RPH3AL: variants seen among roughly 807,000 people sequenced by gnomAD.
The protein encoded by RPH3AL is rab effector Noc2.
A neutral mutation model predicts 43.1 loss-of-function variants in RPH3AL; 38 were observed. That is an observed-to-expected ratio of 0.88 (90% CI 0.68 to 1.15). The LOEUF is 1.15. Ranked by LOEUF, RPH3AL falls within the 50% of genes most tolerant of loss-of-function variation. The pLI, the probability that RPH3AL is intolerant of heterozygous loss-of-function variation, is 0.00. For missense variants in RPH3AL, 462 were observed against 423.2 expected (o/e 1.09, Z -0.81); for synonymous variants, 189 against 176.3 (o/e 1.07, Z -0.57).
chr17:262,312 G>A (rs1440573587), intron 6 of RPH3AL, among the ~76,000 whole-genome samples: 4 of 152,154 alleles, frequency 2.6e-5, no homozygotes, highest in South Asian at 2.1e-4. Flanking sequence ...TCCGCCTCCC[G>A]GGTTCAAGCA....
Position 327,535 on chromosome 17 carries a change from G to A in RPH3AL, c.9C>T (p.Asp3=). The change falls in exon 3 of 10, where the codon GAC becomes GAT. Residue 3 remains aspartate, a synonymous_variant. Coordinates refer to ENST00000331302, the MANE Select transcript of RPH3AL (RefSeq NM_006987.4). The part of the protein sequence containing the change: MA[D]TIFGSGNDQW... ...GATCATTCCCGCTGCCGAAGATGGT[G>A]TCGGCCATGGCTCGGAGCACCCGGC... is the stretch of plus-strand genomic sequence containing the variant. The A allele has an allele frequency of 6.2e-7, 1 of 1,613,806 alleles. No homozygotes were observed. Among genetic ancestry groups the A allele is most frequent in the Non-Finnish European group, 8.5e-7 (1 of 1,179,950 alleles).
intron 7 of RPH3AL, among the ~76,000 whole-genome samples, chr17:230,930 C>G (rs12945036): frequency 0.52 from 78,886 of 152,062 alleles, 21,035 homozygotes; most frequent in Middle Eastern, 0.59. Context: ...CAGGGATCCA[C>G]CCGCCTTGGC....
In RPH3AL at chr17:302,801, A is replaced by G. The variant is rs927051089; in HGVS notation, c.351+16619T>C. 5.3e-5 allele frequency among the ~76,000 whole-genome samples: 8 copies of G among 152,338 alleles called. No individual in the cohort carries two copies. In the East Asian group the frequency reaches 1.4e-3, roughly 26 times the overall value. On this transcript the variant is annotated intron_variant, in intron 5 of 9. Coordinates refer to ENST00000331302, the MANE Select transcript of RPH3AL (RefSeq NM_006987.4). ...GTATAGTCATGGGACGATGTTTTTGATATCTTATTAAGTGGAAAAAGAAGA... is the reference window on the plus strand; with the variant it reads ...GTATAGTCATGGGACGATGTTTTTGGTATCTTATTAAGTGGAAAAAGAAGA...
chr17:316,568 G>GC (rs201655719), intron 5 of RPH3AL, among the ~76,000 whole-genome samples: 8 of 54,794 alleles, frequency 1.5e-4, no homozygotes, highest in Admixed American at 4.7e-4. Context: ...TAGTCCCTGT[G>GC]CCCCACCTCC....
At chr17:321,452 C>T (rs1333657868) in intron 3 of RPH3AL, 37 bp from the exon 4 acceptor site, 4 of 1,527,980 alleles carry the variant, frequency 2.6e-6, no homozygotes, top group Non-Finnish European at 2.6e-6. Flanking sequence ...TGGAGGCCTC[C>T]CCGGTGCAAA....
intron 3 of RPH3AL, among the ~76,000 whole-genome samples, chr17:327,029 G>A (rs144246472): frequency 2.2e-4 from 33 of 152,336 alleles, no homozygotes; most frequent in African/African-American, 7.5e-4. Flanking sequence ...GTCTGACAGT[G>A]CCAAGCACTG....
intron 6 of RPH3AL, among the ~76,000 whole-genome samples, chr17:260,760 G>T (rs782268226): frequency 6.6e-6 from 1 of 152,118 alleles, no homozygotes; most frequent in Non-Finnish European, 1.5e-5. Flanking sequence ...AAACAAGTCC[G>T]CAGCAGGCCA....
At chr17:331,550 C>G (rs762699641) in intron 2 of RPH3AL, 1 of 1,261,006 alleles carries the variant, frequency 7.9e-7, no homozygotes, top group Admixed American at 2.4e-5. Flanking sequence ...GGAGCAACCT[C>G]GGGACAGATG....
rs555147828 is a variant in RPH3AL at position 253,549 on chromosome 17, C to G, written c.439-6264G>C. On this transcript the variant is annotated intron_variant, in intron 6 of 9. Transcript: ENST00000331302. ...CATTGTATTAAAGTATTCATAACAT[C>G]AAACGTATCACCTGAAGTGCAACCC... Among the ~76,000 whole-genome samples the G allele has an allele frequency of 6.9e-4, 105 of 152,244 alleles. 1 individual carries two copies. Among genetic ancestry groups the G allele is most frequent in the African/African-American group, 2.5e-3 (103 of 41,512 alleles).
intron 5 of RPH3AL, among the ~76,000 whole-genome samples, chr17:316,371 C>A (rs1262872118): frequency 6.7e-6 from 1 of 150,054 alleles, no homozygotes; most frequent in African/African-American, 2.5e-5. Flanking sequence ...CCTCCATTGA[C>A]CTGTAGTCTC....
At chr17:302,192 C>T (rs906192411) in intron 5 of RPH3AL, among the ~76,000 whole-genome samples, 10 of 152,248 alleles carry the variant, frequency 6.6e-5, no homozygotes, top group Admixed American at 2.6e-4. Flanking sequence ...GGACTGAGCC[C>T]GAGCTGCCTG....
At chr17:262,405 G>T (rs570798446) in intron 6 of RPH3AL, among the ~76,000 whole-genome samples, 1 of 152,100 alleles carries the variant, frequency 6.6e-6, no homozygotes, top group Non-Finnish European at 1.5e-5. Flanking sequence ...TAGTAGAGAC[G>T]GGGTTTCACC....
intron 3 of RPH3AL, among the ~76,000 whole-genome samples, chr17:324,448 A>G (rs937683288): frequency 1.3e-5 from 2 of 152,142 alleles, no homozygotes; most frequent in African/African-American, 4.8e-5. Context: ...GGCACCTGAC[A>G]TCGATGGGCT....
chr17:240,879 G>GA (rs1459906389), intron 7 of RPH3AL, among the ~76,000 whole-genome samples: 7 of 152,000 alleles, frequency 4.6e-5, no homozygotes, highest in Non-Finnish European at 7.4e-5. Flanking sequence ...CCAACACGGT[G>GA]AACCCTGTCT....
chr17:339,812 CAG>C (rs1368938547), intron 1 of RPH3AL, among the ~76,000 whole-genome samples: 1 of 152,192 alleles, frequency 6.6e-6, no homozygotes, highest in Non-Finnish European at 1.5e-5. Flanking sequence ...GCGGGGAGCA[CAG>C]AGTTCCCAGA....
At position 333,055 on chromosome 17, in the gene RPH3AL, G is replaced by T. The variant is rs746103602; in HGVS notation, c.-37+704C>A. On this transcript the variant is annotated intron_variant, in intron 2 of 9. Coordinates refer to ENST00000331302, the MANE Select transcript of RPH3AL (RefSeq NM_006987.4). The surrounding 1 kb of genome is among the most constrained non-coding windows in gnomAD (Gnocchi z 4.5). Reference sequence around the variant, plus strand: ...TCGGTAAAAACAACCCCTTCTTCCAGGAGGATGCAATTCTCTCTCTAAAGT... The same window carrying T: ...TCGGTAAAAACAACCCCTTCTTCCATGAGGATGCAATTCTCTCTCTAAAGT... The T allele has an allele frequency of 7.8e-7, 1 of 1,289,082 alleles. No individual in the cohort carries two copies. The highest frequency in any genetic ancestry group is 1.2e-5 in the South Asian group (1 of 81,018). 79.9% of individuals were successfully genotyped at this position (1,289,082 alleles called of 1,614,324 possible). A position where few individuals can be genotyped will look rare whatever the true frequency, so the allele number is the denominator to read the frequency against.
chr17:244,317 G>T (rs1175526484), intron 7 of RPH3AL, among the ~76,000 whole-genome samples: 4 of 149,954 alleles, frequency 2.7e-5, no homozygotes. Flanking sequence ...TTCCAACAGG[G>T]CATGAGAAAG....
At chr17:218,474 T>C in intron 8 of RPH3AL, among the ~76,000 whole-genome samples, 1 of 152,112 alleles carries the variant, frequency 6.6e-6, no homozygotes, top group Non-Finnish European at 1.5e-5. Context: ...CTCGCTGAAA[T>C]CAGGACCTCC....
In RPH3AL at chr17:253,674, ACG is replaced by A. The variant is rs1555543566; in HGVS notation, c.439-6391_439-6390del. 3.4e-4 allele frequency among the ~76,000 whole-genome samples: 45 copies of A among 134,116 alleles called. 4 individuals are homozygous for A. Among genetic ancestry groups the A allele is most frequent in the African/African-American group, 9.9e-4 (34 of 34,206 alleles). The allele number at this position is 134,116 out of a possible 152,430, so 88.0% of individuals were successfully genotyped here. A position where few individuals can be genotyped will look rare whatever the true frequency, so the allele number is the denominator to read the frequency against. On this transcript the variant is annotated intron_variant, in intron 6 of 9. Transcript: ENST00000331302. Reference sequence around the variant, plus strand: ...CCCAGTCTGCTGTCTGTCCCTAGGAACGTTACTACCCTACGTACTTCCTATGA... The same window carrying A: ...CCCAGTCTGCTGTCTGTCCCTAGGAATTACTACCCTACGTACTTCCTATGA...
Sources: gnomAD v4.1 joint callset for allele counts (sites outside exome capture counted in the v4.1 genomes callset) on GRCh38, gnomAD v4.1.1 for gene constraint, Gnocchi (gnomAD v3.1) non-coding constraint, MANE v1.5 for transcripts, NCBI Gene and HGNC (gene_info 2026-07-23, HGNC 2026-07-21) for gene names.